Variants in CPNE4 observed in about 807,000 individuals in gnomAD.
CPNE4 encodes the protein copine 4.
Under a neutral mutation model 67.9 loss-of-function variants are expected in CPNE4, and 25 were observed. That is an observed-to-expected ratio of 0.37 (90% CI 0.27 to 0.51). The LOEUF (loss-of-function observed/expected upper bound fraction) is 0.51. Ranked by LOEUF, CPNE4 falls within the 20% of genes least tolerant of loss-of-function variation. The pLI, the probability that CPNE4 is intolerant of heterozygous loss-of-function variation, is 0.93. For synonymous variants in CPNE4, 242 were observed against 244.9 expected (o/e 0.99, Z 0.11); for missense variants, 464 against 690.8 (o/e 0.67, Z 3.68).
intron 6 of CPNE4, among the ~76,000 whole-genome samples, chr3:131,671,330 T>C (rs2080409268): frequency 6.6e-6 from 1 of 152,178 alleles, no homozygotes; most frequent in African/African-American, 2.4e-5. Flanking sequence ...TTAAAATAAA[T>C]TTCCCAACTT....
intron 2 of CPNE4, among the ~76,000 whole-genome samples, chr3:131,800,677 T>C (rs2084068259): frequency 6.6e-6 from 1 of 152,002 alleles, no homozygotes. Flanking sequence ...AAAGGAATAT[T>C]GGGGTTATAA....
At chr3:131,654,663 G>A (rs1195700763) in intron 7 of CPNE4, among the ~76,000 whole-genome samples, 1 of 152,086 alleles carries the variant, frequency 6.6e-6, no homozygotes, top group Non-Finnish European at 1.5e-5. Context: ...TTCTGTTTTT[G>A]TTTCTCAACT....
chr3:131,620,560 A>G, intron 7 of CPNE4: 3 of 621,226 alleles, frequency 4.8e-6, no homozygotes, highest in Non-Finnish European at 6.0e-6. Context: ...ACCTGTGGAT[A>G]TGTTACTTTA....
intron 7 of CPNE4, among the ~76,000 whole-genome samples, chr3:131,643,446 T>G (rs1322627490): frequency 6.6e-6 from 1 of 152,220 alleles, no homozygotes; most frequent in Non-Finnish European, 1.5e-5. Context: ...CCTCATTGCA[T>G]CTAGGAAGTA....
Position 131,791,603 on chromosome 3 carries a change from G to A in CPNE4, c.181-67978C>T, listed in dbSNP as rs187425300. 7.4e-3 allele frequency among the ~76,000 whole-genome samples: 1,125 copies of A among 152,254 alleles called. 8 individuals are homozygous for A. The highest frequency in any genetic ancestry group is 0.012 in the Non-Finnish European group (836 of 68,020). On this transcript the variant is annotated intron_variant, in intron 2 of 15. Transcript: ENST00000429747. ...ACAAGCTTACTTTATTTGAAAAAGC[G>A]TAAGAAGTATGAGTTCTTAGGCAGT... is the stretch of plus-strand genomic sequence containing the variant.
chr3:131,739,222 C>CT (rs145450635), intron 2 of CPNE4, among the ~76,000 whole-genome samples: 1 of 152,134 alleles, frequency 6.6e-6, no homozygotes, highest in Non-Finnish European at 1.5e-5. Flanking sequence ...CTTTAACCAT[C>CT]TTTTTTTATT....
intron 5 of CPNE4, among the ~76,000 whole-genome samples, chr3:131,695,609 T>C (rs955785270): frequency 6.6e-6 from 1 of 152,084 alleles, no homozygotes; most frequent in Non-Finnish European, 1.5e-5. Context: ...TTTCTGAAAT[T>C]TGGGGAGATG....
At chr3:131,687,759 T>C (rs998438745) in intron 5 of CPNE4, among the ~76,000 whole-genome samples, 1 of 152,200 alleles carries the variant, frequency 6.6e-6, no homozygotes, top group Non-Finnish European at 1.5e-5. Flanking sequence ...AGATAGAACC[T>C]GATCTCAGTC....
chr3:131,563,194 A>T (rs551155512), intron 11 of CPNE4, among the ~76,000 whole-genome samples: 71 of 152,156 alleles, frequency 4.7e-4, no homozygotes, highest in African/African-American at 1.7e-3. Context: ...AAGAACAGAA[A>T]TCATGCTGTC....
At chr3:131,718,956 T>C (rs2081811294) in intron 3 of CPNE4, among the ~76,000 whole-genome samples, 2 of 152,216 alleles carry the variant, frequency 1.3e-5, no homozygotes. Flanking sequence ...AGCCAATCAC[T>C]GTGGCCACAC....
intron 2 of CPNE4, among the ~76,000 whole-genome samples, chr3:131,783,169 C>T (rs2083469670): frequency 6.6e-6 from 1 of 152,074 alleles, no homozygotes; most frequent in Non-Finnish European, 1.5e-5. Flanking sequence ...AGCATTTTGG[C>T]TTTTCCTCTA....
At chr3:131,763,950 G>A (rs2082949445) in intron 2 of CPNE4, among the ~76,000 whole-genome samples, 2 of 152,164 alleles carry the variant, frequency 1.3e-5, no homozygotes, top group East Asian at 3.9e-4. Context: ...TGCATCCTAT[G>A]TGCCAGGGTC....
At chr3:131,826,756 G>A (rs2085176269) in intron 2 of CPNE4, among the ~76,000 whole-genome samples, 1 of 152,142 alleles carries the variant, frequency 6.6e-6, no homozygotes, top group Non-Finnish European at 1.5e-5. Flanking sequence ...CTCAGGTCAG[G>A]CACAGTGGCT....
chr3:131,893,280 T>C (rs2088188387), intron 2 of CPNE4, among the ~76,000 whole-genome samples: 1 of 151,938 alleles, frequency 6.6e-6, no homozygotes, highest in South Asian at 2.1e-4. Flanking sequence ...ATATAACAAT[T>C]GTAAATATAT....
chr3:131,842,578 A>C (rs577771718), intron 2 of CPNE4, among the ~76,000 whole-genome samples: 1 of 152,212 alleles, frequency 6.6e-6, no homozygotes, highest in South Asian at 2.1e-4. Context: ...TGACTATTTA[A>C]ATCCTCAGTT....
intron 10 of CPNE4, among the ~76,000 whole-genome samples, chr3:131,568,072 A>G (rs16837137): frequency 0.011 from 1,616 of 152,142 alleles, 32 homozygotes; most frequent in African/African-American, 0.036. Flanking sequence ...CTGATGAAAA[A>G]GGAAATAGGC....
intron 14 of CPNE4, among the ~76,000 whole-genome samples, chr3:131,545,415 A>G (rs1012629692): frequency 2.0e-5 from 3 of 152,190 alleles, no homozygotes; most frequent in Non-Finnish European, 2.9e-5. Flanking sequence ...GGTAAATTAC[A>G]TTTTTATTTT....
At chr3:131,972,050 A>G (rs1253624382) in intron 1 of CPNE4, among the ~76,000 whole-genome samples, 2 of 152,178 alleles carry the variant, frequency 1.3e-5, no homozygotes, top group African/African-American at 2.4e-5. Context: ...TAAGAGAAGA[A>G]AATGTTCATG....
intron 2 of CPNE4, among the ~76,000 whole-genome samples, chr3:131,815,847 A>AT (rs1183959500): frequency 6.6e-6 from 1 of 152,208 alleles, no homozygotes; most frequent in African/African-American, 2.4e-5. Flanking sequence ...GGGTCCAGAG[A>AT]TTTTGCAGAA....
Sources: gnomAD v4.1 joint callset for allele counts (sites outside exome capture counted in the v4.1 genomes callset) on GRCh38, gnomAD v4.1.1 for gene constraint, MANE v1.5 for transcripts, NCBI Gene and HGNC (gene_info 2026-07-23, HGNC 2026-07-21) for gene names.